KRT84: variants seen among roughly 807,000 people sequenced by gnomAD.
KRT84 encodes the protein keratin 84.
KRT84 carries 38 observed loss-of-function variants against 49.0 expected under a neutral mutation model. The ratio of observed to expected loss-of-function variants is 0.78; its 90% CI spans 0.60 to 1.02. The LOEUF (loss-of-function observed/expected upper bound fraction) is 1.02. Among genes scored for constraint, KRT84 ranks in the 50% least tolerant of loss-of-function variants. The pLI is 0.00. For missense variants in KRT84, 860 were observed against 788.6 expected, an observed-to-expected ratio of 1.09 and a Z score of -1.08; for synonymous variants, 334 against 312.8, an observed-to-expected ratio of 1.07 and a Z score of -0.72.
chr12:52,383,467 A>G, intron 2 of KRT84, 123 bp downstream of exon 2: 1 of 344,304 alleles, frequency 2.9e-6, no homozygotes, highest in Non-Finnish European at 5.0e-6. Context: ...CCACCTCCCC[A>G]GGCTTGATGT....
Position 52,378,012 on chromosome 12 carries a change from G to C in KRT84, c.*22C>G, listed in dbSNP as rs776925339. On this transcript the variant is annotated 3_prime_UTR_variant, in exon 9 of 9. Transcript: ENST00000257951. ...CGTGGAGCTGGTTCTTCTCTGGGCA[G>C]CAGCTGTCTGGGGCTGGGCTCTCAG... 2 of 1,420,246 alleles carry C rather than the reference G, an allele frequency of 1.4e-6. No homozygotes were observed. The highest frequency in any genetic ancestry group is 1.8e-6 in the Non-Finnish European group (2 of 1,083,784). The allele number at this position is 1,420,246 out of a possible 1,614,324, so 88.0% of individuals were successfully genotyped here.
At position 52,378,212 on chromosome 12, in the gene KRT84, G is replaced by T; in HGVS notation, c.1625C>A (p.Ala542Asp). The change falls in exon 9 of 9, where the codon GCC (alanine) becomes GAC (aspartate). Residue 542 changes from alanine (A) to aspartate (D), a missense_variant. Physicochemically the swap from Ala to Asp is moderately radical, Grantham distance 126. Coordinates refer to ENST00000257951, the MANE Select transcript of KRT84 (RefSeq NM_033045.4). ...PSLGGARVAP[A>D]TGDLLSTGTR... ...GCCAGTGCTCAGCAGGTCCCCAGTG[G>T]CCGGGGCGACCCGGGCTCCACCCAG... 6.4e-7 allele frequency: 1 copy of T among 1,572,912 alleles called. No homozygotes were observed.
At chr12:52,381,305 ATATATGAG>A (rs1274222533) in intron 5 of KRT84, 48 bp downstream of exon 5, 1 of 1,612,604 alleles carries the variant, frequency 6.2e-7, no homozygotes. Context: ...CTGATCTGTT[ATATATGAG>A]TCATTCCCAG....
chr12:52,386,375 G>C (rs1156608765), upstream of KRT84, among the ~76,000 whole-genome samples: 4 of 146,918 alleles, frequency 2.7e-5, no homozygotes, highest in Non-Finnish European at 5.9e-5. Flanking sequence ...CATGGTAGTA[G>C]GGGAAGATTT....
In KRT84 at chr12:52,377,946, C is replaced by G; in HGVS notation, c.*88G>C. ...GGCAGAAAGGGGAGCTGGAGACCGTCAAGCCCAGAGCCCACGAACCCTGGG... is the reference window on the plus strand; with the variant it reads ...GGCAGAAAGGGGAGCTGGAGACCGTGAAGCCCAGAGCCCACGAACCCTGGG... On this transcript the variant is annotated 3_prime_UTR_variant, in exon 9 of 9. Transcript: ENST00000257951. The G allele has an allele frequency of 9.5e-7, 1 of 1,052,762 alleles. No homozygotes were observed. Among genetic ancestry groups the G allele is most frequent in the Non-Finnish European group, 1.3e-6 (1 of 780,614 alleles). The allele number at this position is 1,052,762 out of a possible 1,614,324, so 65.2% of individuals were successfully genotyped here. A position where few individuals can be genotyped will look rare whatever the true frequency, so the allele number is the denominator to read the frequency against.
chr12:52,380,897 A>G (rs1379400703), intron 6 of KRT84, among the ~76,000 whole-genome samples, 183 bp downstream of exon 6: 1 of 152,026 alleles, frequency 6.6e-6, no homozygotes, highest in Non-Finnish European at 1.5e-5. Context: ...CTTTACTTCT[A>G]TGTGGGAAGC....
In KRT84 at chr12:52,380,540, C is replaced by T; in HGVS notation, c.1247G>A (p.Gly416Asp). ...EAAVAEAEQQ[G>D]EATLSDAKCK... ...TTTGGCATCACTGAGGGTCGCCTCG[C>T]CCTGCTGCTCGGCCTCGGCCACTGC... The change falls in exon 7 of 9, where the codon GGC becomes GAC. Residue 416 changes from glycine to aspartate, a missense_variant. Gly to Asp is a moderately conservative substitution (Grantham distance 94). Coordinates refer to ENST00000257951, the MANE Select transcript of KRT84 (RefSeq NM_033045.4). 1 of 1,613,882 alleles carries T rather than the reference C, an allele frequency of 6.2e-7. No homozygotes were observed.
In KRT84 at chr12:52,378,306, C is replaced by T. The variant is rs369407347; in HGVS notation, c.1531G>A (p.Gly511Arg). 5.2e-6 allele frequency: 8 copies of T among 1,539,150 alleles called. No homozygotes were observed. Among genetic ancestry groups the T allele is most frequent in the African/African-American group, 1.4e-5 (1 of 72,800 alleles). ...CTGCTGCTACCTGAGAAGGTGACCC[C>T]GCCGCGGGAGAGGGTGGAGCCGGCA... ...LVAGSTLSRGGVTFSGSSSVC... is the reference protein window; with the variant it reads ...LVAGSTLSRGRVTFSGSSSVC... Residue 511 changes from glycine (G) to arginine (R), a missense_variant, in exon 9 of 9, where the codon GGG becomes AGG. Transcript: ENST00000257951.
In KRT84 at chr12:52,381,400, C is replaced by T; in HGVS notation, c.1038G>A (p.Arg346=). 1 of 1,614,206 alleles carries T rather than the reference C, an allele frequency of 6.2e-7. No individual in the cohort carries two copies. The highest frequency in any genetic ancestry group is 8.5e-7 in the Non-Finnish European group (1 of 1,180,044). The part of the protein sequence containing the change: ...EVKAQYEEVA[R]RSRADAEAWY... ...AGGCCTCAGCATCAGCCCGGCTGCGCCTGGCCACCTCCTCATACTGGGCCT... is the reference window on the plus strand; with the variant it reads ...AGGCCTCAGCATCAGCCCGGCTGCGTCTGGCCACCTCCTCATACTGGGCCT... Residue 346 remains arginine, a synonymous_variant, in exon 5 of 9, where the codon AGG becomes AGA. Transcript: ENST00000257951.
In KRT84 at chr12:52,385,344, G is replaced by T. The variant is rs898273682; in HGVS notation, c.242C>A (p.Ala81Asp). 1.2e-6 allele frequency: 2 copies of T among 1,614,038 alleles called. No individual in the cohort carries two copies. The highest frequency in any genetic ancestry group is 3.3e-5 in the Admixed American group (2 of 59,994). ...RPIHCGVRFG[A>D]GCGMGFGDGR... ...ATCACCAAAACCCATCCCACAGCCA[G>T]CACCAAAGCGGACTCCACAGTGGAT... The change falls in exon 1 of 9, where the codon GCT (alanine) becomes GAT (aspartate). Residue 81 changes from alanine to aspartate, a missense_variant. Coordinates refer to ENST00000257951, the MANE Select transcript of KRT84 (RefSeq NM_033045.4).
In KRT84 at chr12:52,383,581, G is replaced by T; in HGVS notation, c.755+9C>A. ...TGTCACTGGTCTGTGCAGCTCAGAT[G>T]TCACTCACTTCTTCTTGAAGCCCTC... On this transcript the variant is annotated intron_variant, in intron 2 of 8. Transcript: ENST00000257951. 1 of 1,610,346 alleles carries T rather than the reference G, an allele frequency of 6.2e-7. No homozygotes were observed. The highest frequency in any genetic ancestry group is 1.3e-5 in the African/African-American group (1 of 74,914).
At chr12:52,382,962 C>A (rs758807243) in intron 3 of KRT84, 43 bp downstream of exon 3, 17 of 1,567,930 alleles carry the variant, frequency 1.1e-5, no homozygotes, top group Admixed American at 1.7e-5. Context: ...GAACATTTGC[C>A]GGTCCAGAGG....
chr12:52,381,557 T>C lies in KRT84; in HGVS notation c.913-32A>G, dbSNP rs745898870. 11 of 1,606,732 alleles carry C rather than the reference T, an allele frequency of 6.8e-6. No homozygotes were observed. The South Asian group carries it at 1.2e-4, about 18-fold the overall frequency. On this transcript the variant is annotated intron_variant, in intron 4 of 8. Transcript: ENST00000257951. ...TGGAGGATTGGGGAGACAGATGTGC[T>C]TAGAGTCTCATTTAGTAGCTGGGAC...
chr12:52,377,997 G>A lies in KRT84; in HGVS notation c.*37C>T. ...GGCAGAAGCAGGAGCCGTGGAGCTGGTTCTTCTCTGGGCAGCAGCTGTCTG... is the reference window on the plus strand; with the variant it reads ...GGCAGAAGCAGGAGCCGTGGAGCTGATTCTTCTCTGGGCAGCAGCTGTCTG... On this transcript the variant is annotated 3_prime_UTR_variant, in exon 9 of 9. Coordinates refer to ENST00000257951, the MANE Select transcript of KRT84 (RefSeq NM_033045.4). The A allele has an allele frequency of 6.5e-6, 9 of 1,376,854 alleles. No homozygotes were observed. In the South Asian group the frequency reaches 1.4e-4, roughly 22 times the overall value. 85.3% of individuals were successfully genotyped at this position (1,376,854 alleles called of 1,614,324 possible).
chr12:52,383,824 C>T (rs1256917965), intron 1 of KRT84, 26 bp from the exon 2 acceptor site: 5 of 1,585,914 alleles, frequency 3.2e-6, no homozygotes, highest in Non-Finnish European at 4.3e-6. Context: ...ACAGAAATGG[C>T]ATTTGAAGTG....
chr12:52,381,087 T>C lies in KRT84; in HGVS notation c.1196A>G (p.Lys399Arg). 1 of 1,614,092 alleles carries C rather than the reference T, an allele frequency of 6.2e-7. No individual in the cohort carries two copies. Among genetic ancestry groups the C allele is most frequent in the Non-Finnish European group, 8.5e-7 (1 of 1,179,976 alleles). Residue 399 changes from lysine (K) to arginine (R), a missense_variant, in exon 6 of 9, where the codon AAG becomes AGG. Transcript: ENST00000257951. ...CTCCTTTCCTTTGCCCACCTGAGCC[T>C]TGGCGTGCTCAATCTCTGCCTTAAG... ...QRLKAEIEHAKAQRAKLEAAV... is the reference protein window; with the variant it reads ...QRLKAEIEHARAQRAKLEAAV...
At chr12:52,384,092 G>A (rs938320900) in intron 1 of KRT84, among the ~76,000 whole-genome samples, 3 of 152,226 alleles carry the variant, frequency 2.0e-5, no homozygotes, top group African/African-American at 4.8e-5. Context: ...AAGTTGGAAG[G>A]GTTGATTCTA....
At position 52,378,117 on chromosome 12, in the gene KRT84, C is replaced by CA; in HGVS notation, c.1719_1720insT (p.Gly574TrpfsTer58). 1 of 1,537,970 alleles carries CA rather than the reference C, an allele frequency of 6.5e-7. No homozygotes were observed. Among genetic ancestry groups the CA allele is most frequent in the Non-Finnish European group, 8.7e-7 (1 of 1,147,114 alleles). On this transcript the variant is annotated frameshift_variant, in exon 9 of 9. Coordinates refer to ENST00000257951, the MANE Select transcript of KRT84 (RefSeq NM_033045.4). LOFTEE classifies it high-confidence loss of function. ...CCGCCGCTGCAGCTGCTGAAGCCCC[C>CA]CTGGGTGGGCAGGGGGCAGGGGACG...
rs746530737 is a variant in KRT84, at chr12:52,378,328, G to T, written c.1509C>A (p.Ala503=). 98 of 1,525,448 alleles carry T rather than the reference G, an allele frequency of 6.4e-5. 2 individuals are homozygous for T. The South Asian group carries it at 1.1e-3, about 18-fold the overall frequency. The allele number at this position is 1,525,448 out of a possible 1,614,324, so 94.5% of individuals were successfully genotyped here. A position where few individuals can be genotyped will look rare whatever the true frequency, so the allele number is the denominator to read the frequency against. ...CCCCGCCGCGGGAGAGGGTGGAGCC[G>T]GCAACCAAAGGCTCAGGCCCGCACA... ...GLVCGPEPLV[A]GSTLSRGGVT... Residue 503 remains alanine (A), a synonymous_variant, in exon 9 of 9, where the codon GCC becomes GCA. Transcript: ENST00000257951.
Sources: gnomAD v4.1 joint callset for allele counts (sites outside exome capture counted in the v4.1 genomes callset) on GRCh38, gnomAD v4.1.1 for gene constraint, MANE v1.5 for transcripts, NCBI Gene and HGNC (gene_info 2026-07-23, HGNC 2026-07-21) for gene names.